The following FBXL17 variants were observed in gnomAD, a reference collection of about 807,000 sequenced individuals.
FBXL17 encodes the protein F-box and leucine rich repeat protein 17.
Under a neutral mutation model 66.2 loss-of-function variants are expected in FBXL17, and 22 were observed. The observed-to-expected ratio is 0.33, with a 90% CI of 0.24 to 0.47. The LOEUF is 0.47. FBXL17 is among the 20% of genes least tolerant of loss of function. FBXL17 has a pLI of 1.00. For synonymous variants in FBXL17, 474 were observed against 400.5 expected, an observed-to-expected ratio of 1.18 and a Z score of -2.19; for missense variants, 878 against 948.2, an observed-to-expected ratio of 0.93 and a Z score of 0.97.
At chr5:108,206,234 T>C (rs1311968945) in intron 5 of FBXL17, among the ~76,000 whole-genome samples, 2 of 152,226 alleles carry the variant, frequency 1.3e-5, no homozygotes, top group Non-Finnish European at 2.9e-5. Context: ...TTATGAATTA[T>C]GTGTTTACTT....
At chr5:108,305,371 G>A in intron 4 of FBXL17, among the ~76,000 whole-genome samples, 1 of 151,870 alleles carries the variant, frequency 6.6e-6, no homozygotes, top group East Asian at 1.9e-4. Flanking sequence ...ATGGATGCTG[G>A]ACTTAATAAC....
intron 4 of FBXL17, among the ~76,000 whole-genome samples, chr5:108,252,463 A>G (rs1283662250): frequency 6.6e-6 from 1 of 152,180 alleles, no homozygotes; most frequent in Non-Finnish European, 1.5e-5. Flanking sequence ...AAAAAAAAAG[A>G]AACTAATTCT....
At chr5:108,173,558 C>T (rs1396550061) in intron 6 of FBXL17, among the ~76,000 whole-genome samples, 1 of 152,164 alleles carries the variant, frequency 6.6e-6, no homozygotes, top group Non-Finnish European at 1.5e-5. Context: ...TCCTTTAACA[C>T]GTGTTTCTCT....
intron 7 of FBXL17, among the ~76,000 whole-genome samples, chr5:107,935,013 T>C (rs1170928114): frequency 6.6e-6 from 1 of 152,114 alleles, no homozygotes; most frequent in Admixed American, 6.6e-5. Flanking sequence ...AAGGTTATCG[T>C]TGCCATTAGT....
intron 6 of FBXL17, among the ~76,000 whole-genome samples, chr5:108,155,847 C>A (rs1261198941): frequency 6.6e-6 from 1 of 152,100 alleles, no homozygotes; most frequent in Non-Finnish European, 1.5e-5. Flanking sequence ...TTTATGCCCT[C>A]AGGTTATTTT....
At chr5:107,877,073 T>A (rs948115220) in intron 8 of FBXL17, among the ~76,000 whole-genome samples, 3 of 152,208 alleles carry the variant, frequency 2.0e-5, no homozygotes, top group African/African-American at 7.2e-5. Context: ...AGCGTTTTCT[T>A]CTCTTGGTTC....
intron 4 of FBXL17, among the ~76,000 whole-genome samples, chr5:108,263,440 T>A (rs1756918531): frequency 6.6e-6 from 1 of 152,168 alleles, no homozygotes; most frequent in African/African-American, 2.4e-5. Flanking sequence ...AGAGTTCTTA[T>A]CCTGGAGTCT....
chr5:108,258,029 G>A (rs1222692901), intron 4 of FBXL17, among the ~76,000 whole-genome samples: 2 of 152,034 alleles, frequency 1.3e-5, no homozygotes, highest in African/African-American at 4.8e-5. Context: ...TACATCACAA[G>A]GTTATGATAC....
intron 4 of FBXL17, among the ~76,000 whole-genome samples, chr5:108,269,920 T>C (rs920906408): frequency 2.6e-5 from 4 of 152,126 alleles, no homozygotes; most frequent in African/African-American, 7.2e-5. Context: ...TTCCCTCTAC[T>C]ACTGTTGCTA....
At position 108,357,302 on chromosome 5, in the gene FBXL17, A is replaced by G. The variant is rs149469556; in HGVS notation, c.1374+7436T>C. 7.2e-3 allele frequency among the ~76,000 whole-genome samples: 1,100 copies of G among 152,174 alleles called. 8 individuals are homozygous for G. Among genetic ancestry groups the G allele is most frequent in the Middle Eastern group, 0.041 (12 of 294 alleles). ...CTCCAGGAAGACATAATAATCCTTAATATGTATTCATCTCACAAAAGAGTG... is the reference window on the plus strand; with the variant it reads ...CTCCAGGAAGACATAATAATCCTTAGTATGTATTCATCTCACAAAAGAGTG... On this transcript the variant is annotated intron_variant, in intron 3 of 8. Transcript: ENST00000542267.
intron 5 of FBXL17, among the ~76,000 whole-genome samples, chr5:108,198,926 TA>T (rs1201298085): frequency 3.3e-5 from 5 of 152,130 alleles, no homozygotes; most frequent in Non-Finnish European, 5.9e-5. Context: ...ATGAAATTAT[TA>T]AAGATGATAA....
chr5:107,919,907 C>T (rs185737841), intron 7 of FBXL17, among the ~76,000 whole-genome samples: 5 of 152,266 alleles, frequency 3.3e-5, no homozygotes, highest in African/African-American at 4.8e-5. Context: ...TTTTCTTCAG[C>T]GCTTTATTTC....
At chr5:107,889,810 T>C (rs1479212972) in intron 7 of FBXL17, among the ~76,000 whole-genome samples, 2 of 152,226 alleles carry the variant, frequency 1.3e-5, no homozygotes, top group Non-Finnish European at 2.9e-5. Context: ...TTCTTATTTA[T>C]TTTTATTTTG....
chr5:108,240,870 C>CAGAG lies in FBXL17; in HGVS notation c.1507-16646_1507-16643dup, dbSNP rs142698907. ...ACGTAGCTCAGTGCAGGGAGAGAGA[C>CAGAG]AGAGAGAGAGAGAGAGATTGATTCC... On this transcript the variant is annotated intron_variant, in intron 4 of 8. Coordinates refer to ENST00000542267, the MANE Select transcript of FBXL17 (RefSeq NM_001163315.3). 1.1e-3 allele frequency among the ~76,000 whole-genome samples: 165 copies of CAGAG among 150,430 alleles called. 1 individual carries two copies. The highest frequency in any genetic ancestry group is 3.7e-3 in the African/African-American group (151 of 41,174).
chr5:108,184,747 C>CTAA (rs1753158572), intron 6 of FBXL17, among the ~76,000 whole-genome samples: 1 of 82,612 alleles, frequency 1.2e-5, no homozygotes, highest in African/African-American at 5.0e-5. Flanking sequence ...GACTCGGTCT[C>CTAA]AAAAAAAAAA....
At chr5:108,313,671 T>C (rs1759227676) in intron 4 of FBXL17, among the ~76,000 whole-genome samples, 1 of 152,048 alleles carries the variant, frequency 6.6e-6, no homozygotes, top group African/African-American at 2.4e-5. Context: ...TATTGTCTAT[T>C]ATTCTTCAAC....
In FBXL17 at chr5:107,862,655, A is replaced by G. The variant is rs139585339; in HGVS notation, c.1966-795T>C. ...ACAACTTTTAGGTAGCTTTATTTAA[A>G]ATCTTTATTGAACACTTGAGCATTT... On this transcript the variant is annotated intron_variant, in intron 8 of 8. Transcript: ENST00000542267. Among the ~76,000 whole-genome samples, 95 of 152,376 alleles carry G rather than the reference A, an allele frequency of 6.2e-4. 1 individual carries two copies. The East Asian group carries it at 0.01, about 17-fold the overall frequency.
chr5:107,890,738 C>T (rs1385418489), intron 7 of FBXL17, among the ~76,000 whole-genome samples: 2 of 151,478 alleles, frequency 1.3e-5, no homozygotes, highest in African/African-American at 4.9e-5. Context: ...ACCACTTAAA[C>T]ACACCAAGGT....
chr5:107,914,745 G>A (rs1049892681), intron 7 of FBXL17, among the ~76,000 whole-genome samples: 18 of 152,140 alleles, frequency 1.2e-4, no homozygotes, highest in Non-Finnish European at 2.9e-5. Flanking sequence ...AGCCCTTTCT[G>A]CTACCATAAG....
Sources: allele counts gnomAD v4.1 joint callset (sites outside exome capture counted in the v4.1 genomes callset), GRCh38; gene constraint gnomAD v4.1.1; transcripts MANE v1.5; gene names NCBI Gene and HGNC (gene_info 2026-07-23, HGNC 2026-07-21).